Variants in FIG4 observed in about 807,000 individuals in gnomAD.
FIG4 encodes the protein polyphosphoinositide phosphatase.
Under a neutral mutation model 118.6 loss-of-function variants are expected in FIG4, and 112 were observed. The ratio of observed to expected loss-of-function variants is 0.94; its 90% CI spans 0.81 to 1.11. FIG4 has a LOEUF of 1.11. Among genes scored for constraint, FIG4 ranks in the 50% least tolerant of loss-of-function variants. The probability of loss-of-function intolerance (pLI) is 0.00; values close to 1 mark genes in which losing one functional copy is unlikely to be tolerated. For missense variants in FIG4, 969 were observed against 1,111.7 expected, an observed-to-expected ratio of 0.87 and a Z score of 1.83; for synonymous variants, 369 against 381.2, an observed-to-expected ratio of 0.97 and a Z score of 0.37.
rs777149173 is a variant in FIG4, at chr6:109,725,100, T to A, written c.290-2009T>A. Among the ~76,000 whole-genome samples the A allele has an allele frequency of 6.2e-4, 94 of 152,212 alleles. 1 individual carries two copies. Among genetic ancestry groups the A allele is most frequent in the Non-Finnish European group, 4.4e-4 (30 of 68,016 alleles). On this transcript the variant is annotated intron_variant, in intron 3 of 22. Transcript: ENST00000230124. ...TAAATTGTTTAGAGTAATTTTTTTT[T>A]AAAATTTAAGTTCTGGGATACATGT... is the stretch of plus-strand genomic sequence containing the variant.
chr6:109,807,795 G>T (rs1173921565), intron 22 of FIG4, among the ~76,000 whole-genome samples: 1 of 152,136 alleles, frequency 6.6e-6, no homozygotes. Context: ...TAAGGTGTAA[G>T]GAAGGGGTCC....
Position 109,766,639 on chromosome 6 carries a change from A to G in FIG4, c.1584-90A>G, listed in dbSNP as rs187798688. ...ACTTGAAAGGCTCAGAAGAATTTTT[A>G]AAGTATAAGACTTGTTTGGAGTTTG... On this transcript the variant is annotated intron_variant, in intron 14 of 22. Transcript: ENST00000230124. 1,680 of 1,079,502 alleles carry G rather than the reference A, an allele frequency of 1.6e-3. 6 individuals are homozygous for G. Among genetic ancestry groups the G allele is most frequent in the Non-Finnish European group, 1.8e-3 (1,279 of 703,654 alleles). 66.9% of individuals were successfully genotyped at this position (1,079,502 alleles called of 1,614,324 possible).
chr6:109,736,651 G>A (rs1162136282), intron 6 of FIG4, among the ~76,000 whole-genome samples: 4 of 152,146 alleles, frequency 2.6e-5, no homozygotes, highest in Admixed American at 6.5e-5. Flanking sequence ...TGTGAATTAA[G>A]CCTCCAATGC....
At chr6:109,704,882 G>T (rs1433336827) in intron 1 of FIG4, among the ~76,000 whole-genome samples, 1 of 151,950 alleles carries the variant, frequency 6.6e-6, no homozygotes, top group Non-Finnish European at 1.5e-5. Flanking sequence ...GGGAAAATTG[G>T]AATATAAATT....
intron 1 of FIG4, among the ~76,000 whole-genome samples, chr6:109,714,426 G>A (rs948934678): frequency 1.3e-5 from 2 of 152,132 alleles, no homozygotes; most frequent in East Asian, 3.9e-4. Flanking sequence ...CCTCTAGTCA[G>A]CCATCTTGCC....
Position 109,748,343 on chromosome 6 carries a change from A to G in FIG4, c.1137+4571A>G, listed in dbSNP as rs540924498. 4.6e-5 allele frequency among the ~76,000 whole-genome samples: 7 copies of G among 152,256 alleles called. No homozygotes were observed. The East Asian group carries it at 1.2e-3, about 25-fold the overall frequency. ...ATGAAAGGCATTTTGGATTTTGGCAATACTGTGATCGAAGTGGTCCATGAA... is the reference window on the plus strand; with the variant it reads ...ATGAAAGGCATTTTGGATTTTGGCAGTACTGTGATCGAAGTGGTCCATGAA... On this transcript the variant is annotated intron_variant, in intron 10 of 22. Transcript: ENST00000230124.
At chr6:109,767,597 G>A (rs1442494201) in intron 15 of FIG4, among the ~76,000 whole-genome samples, 3 of 152,192 alleles carry the variant, frequency 2.0e-5, no homozygotes, top group East Asian at 1.9e-4. Context: ...GGGGCTGGGC[G>A]TGGTGGCTCA....
rs1337324329 is a variant in FIG4, at chr6:109,752,467, T to C, written c.1138-7783T>C. 1.4e-4 allele frequency among the ~76,000 whole-genome samples: 21 copies of C among 151,904 alleles called. No individual in the cohort carries two copies. The East Asian group carries it at 3.7e-3, about 27-fold the overall frequency. ...TACAGTCCCACCAACAGTGTAAAAGTGTTCCTATTTCTCCACATCCTCTCC... is the reference window on the plus strand; with the variant it reads ...TACAGTCCCACCAACAGTGTAAAAGCGTTCCTATTTCTCCACATCCTCTCC... On this transcript the variant is annotated intron_variant, in intron 10 of 22. Transcript: ENST00000230124.
intron 21 of FIG4, among the ~76,000 whole-genome samples, chr6:109,795,439 A>T (rs1357064805): frequency 6.6e-6 from 1 of 152,064 alleles, no homozygotes; most frequent in African/African-American, 2.4e-5. Context: ...CACTGTAATG[A>T]TACAATAATT....
chr6:109,760,016 G>C (rs547221477), intron 10 of FIG4, among the ~76,000 whole-genome samples: 1 of 152,282 alleles, frequency 6.6e-6, no homozygotes, highest in Admixed American at 6.5e-5. Flanking sequence ...GAGAGTACCA[G>C]GAAGAAACCT....
rs1420215450 is a variant in FIG4, at chr6:109,785,143, G to A, written c.1948+115G>A. 2.4e-5 allele frequency: 18 copies of A among 734,998 alleles called. No homozygotes were observed. In the Admixed American group the frequency reaches 3.1e-4, roughly 13 times the overall value. The allele number at this position is 734,998 out of a possible 1,614,324, so 45.5% of individuals were successfully genotyped here. On this transcript the variant is annotated intron_variant, in intron 17 of 22. Coordinates refer to ENST00000230124, the MANE Select transcript of FIG4 (RefSeq NM_014845.6). Reference sequence around the variant, plus strand: ...GTATTTTATTAGAAACAAATGAATGGCTGTTCAGTATTATGTTGCTGCTTT... The same window carrying A: ...GTATTTTATTAGAAACAAATGAATGACTGTTCAGTATTATGTTGCTGCTTT...
At chr6:109,706,171 A>T (rs985443974) in intron 1 of FIG4, among the ~76,000 whole-genome samples, 1 of 152,252 alleles carries the variant, frequency 6.6e-6, no homozygotes, top group African/African-American at 2.4e-5. Flanking sequence ...GACAAGCCCC[A>T]AACAAATTTA....
chr6:109,813,904 C>T (rs759725404), intron 22 of FIG4, among the ~76,000 whole-genome samples: 49 of 152,144 alleles, frequency 3.2e-4, no homozygotes, highest in Admixed American at 5.9e-4. Context: ...GCTCCAGCCT[C>T]CGTTAAGCCT....
At chr6:109,697,973 C>T (rs1272317189) in intron 1 of FIG4, among the ~76,000 whole-genome samples, 1 of 151,670 alleles carries the variant, frequency 6.6e-6, no homozygotes, top group African/African-American at 2.4e-5. Flanking sequence ...ACTGCAACCT[C>T]TGCCTCCTGG....
intron 1 of FIG4, among the ~76,000 whole-genome samples, chr6:109,711,636 C>G (rs751209399): frequency 1.3e-5 from 2 of 151,904 alleles, no homozygotes; most frequent in Non-Finnish European, 2.9e-5. Flanking sequence ...TACTTTGTCC[C>G]TTTATTTTGA....
Position 109,786,459 on chromosome 6 carries a change from G to T in FIG4, c.2096+10G>T, listed in dbSNP as rs1459717981. 1 of 1,613,556 alleles carries T rather than the reference G, an allele frequency of 6.2e-7. No individual in the cohort carries two copies. The highest frequency in any genetic ancestry group is 8.5e-7 in the Non-Finnish European group (1 of 1,179,534). ...TGACAAGCTCAGCACGGTATGTTGT[G>T]TGTATTCTGATACCATAAGTATTTG... is the stretch of plus-strand genomic sequence containing the variant. On this transcript the variant is annotated intron_variant, in intron 18 of 22. Coordinates refer to ENST00000230124, the MANE Select transcript of FIG4 (RefSeq NM_014845.6).
intron 22 of FIG4, among the ~76,000 whole-genome samples, chr6:109,816,294 A>G (rs1778860273): frequency 6.6e-6 from 1 of 152,180 alleles, no homozygotes; most frequent in South Asian, 2.1e-4. Flanking sequence ...CCTTCTTCCA[A>G]AAAACAGTTT....
chr6:109,788,557 G>GC (rs1778050653), intron 18 of FIG4, among the ~76,000 whole-genome samples: 1 of 152,188 alleles, frequency 6.6e-6, no homozygotes, highest in African/African-American at 2.4e-5. Flanking sequence ...CTCTGTACAT[G>GC]CACATGTCTG....
Position 109,794,396 on chromosome 6 carries a change from G to C in FIG4, c.2459+1732G>C, listed in dbSNP as rs547730154. On this transcript the variant is annotated intron_variant, in intron 21 of 22. Coordinates refer to ENST00000230124, the MANE Select transcript of FIG4 (RefSeq NM_014845.6). The stretch of plus-strand genomic sequence containing the variant: ...GCCTCTGCTTATGATGCAGACCTTG[G>C]GGGAAGGGGAGAAACGGGGCTGATC... Among the ~76,000 whole-genome samples the C allele has an allele frequency of 4.7e-4, 72 of 152,228 alleles. 1 individual carries two copies. The South Asian group carries it at 0.015, about 31-fold the overall frequency.
Sources: gnomAD v4.1 joint callset for allele counts (sites outside exome capture counted in the v4.1 genomes callset) on GRCh38, gnomAD v4.1.1 for gene constraint, MANE v1.5 for transcripts, NCBI Gene and HGNC (gene_info 2026-07-23, HGNC 2026-07-21) for gene names.